PALLD: variants seen among roughly 807,000 people sequenced by gnomAD.
The protein encoded by PALLD is palladin.
In PALLD, 61 loss-of-function variants were observed where a neutral mutation model predicts 123.5. The ratio of observed to expected loss-of-function variants is 0.49; its 90% CI spans 0.40 to 0.61. The LOEUF (loss-of-function observed/expected upper bound fraction) is 0.61. Among genes scored for constraint, PALLD ranks in the 20% least tolerant of loss-of-function variants. The pLI, the probability that PALLD is intolerant of heterozygous loss-of-function variation, is 0.00. For synonymous variants in PALLD, 465 were observed against 496.4 expected (o/e 0.94, Z 0.84); for missense variants, 1,273 against 1,377.0 (o/e 0.92, Z 1.20).
intron 10 of PALLD, among the ~76,000 whole-genome samples, chr4:168,804,185 G>A: frequency 6.6e-6 from 1 of 152,214 alleles, no homozygotes; most frequent in East Asian, 1.9e-4. Context: ...AAAGAAAGAG[G>A]TATGTTCCTT....
At chr4:168,543,159 G>A (rs1368171134) in intron 2 of PALLD, among the ~76,000 whole-genome samples, 2 of 152,042 alleles carry the variant, frequency 1.3e-5, no homozygotes, top group Non-Finnish European at 2.9e-5. Flanking sequence ...TCATTTGCAA[G>A]CTGTGTGACA....
chr4:168,893,000 C>T (rs1754388099), intron 11 of PALLD, among the ~76,000 whole-genome samples: 1 of 152,072 alleles, frequency 6.6e-6, no homozygotes, highest in Non-Finnish European at 1.5e-5. Flanking sequence ...TCTTTCTTAT[C>T]TTTGGTGTCT....
At chr4:168,878,684 G>T (rs910128725) in intron 10 of PALLD, among the ~76,000 whole-genome samples, 20 of 134,426 alleles carry the variant, frequency 1.5e-4, no homozygotes, top group Middle Eastern at 3.8e-3. Context: ...AATCATTATG[G>T]GGGGGGGGGT....
At chr4:168,879,252 G>A (rs1024486081) in intron 10 of PALLD, among the ~76,000 whole-genome samples, 4 of 152,052 alleles carry the variant, frequency 2.6e-5, no homozygotes, top group Admixed American at 6.5e-5. Context: ...AATCTTTGAG[G>A]ATAAATAACA....
chr4:168,852,674 T>C (rs1176514936), intron 10 of PALLD, among the ~76,000 whole-genome samples: 2 of 152,250 alleles, frequency 1.3e-5, no homozygotes. Context: ...AAGTTAGTAG[T>C]GCCTACAAGA....
rs554390287 is a variant in PALLD at position 168,719,324 on chromosome 4, C to G, written c.1964+7401C>G. On this transcript the variant is annotated intron_variant, in intron 10 of 21. Coordinates refer to ENST00000505667, the MANE Select transcript of PALLD (RefSeq NM_001166108.2). ...CCAGGCTGGAGTGCAATGACACAATCTCGGCTCACTGCAACCTCCGCCTCC... is the reference window on the plus strand; with the variant it reads ...CCAGGCTGGAGTGCAATGACACAATGTCGGCTCACTGCAACCTCCGCCTCC... Among the ~76,000 whole-genome samples, 3 of 127,034 alleles carry G rather than the reference C, an allele frequency of 2.4e-5. No homozygotes were observed. The South Asian group carries it at 8.4e-4, about 36-fold the overall frequency. The allele number at this position is 127,034 out of a possible 152,430, so 83.3% of individuals were successfully genotyped here.
At chr4:168,727,485 A>C (rs959014639) in intron 10 of PALLD, among the ~76,000 whole-genome samples, 1 of 151,946 alleles carries the variant, frequency 6.6e-6, no homozygotes, top group Non-Finnish European at 1.5e-5. Context: ...GCATTTTTTC[A>C]TATGTTTGTT....
chr4:168,873,386 A>G (rs183148903), intron 10 of PALLD, among the ~76,000 whole-genome samples: 68 of 152,328 alleles, frequency 4.5e-4, no homozygotes, highest in Non-Finnish European at 1.2e-4. Flanking sequence ...AAGCATATAA[A>G]CCAACAGCAT....
intron 2 of PALLD, among the ~76,000 whole-genome samples, chr4:168,581,222 G>T (rs762809408): frequency 7.9e-5 from 12 of 151,964 alleles, no homozygotes; most frequent in Non-Finnish European, 1.5e-4. Context: ...TGGGAGTGCA[G>T]ATGTCTCTTC....
At position 168,512,287 on chromosome 4, in the gene PALLD, C is replaced by T. The variant is rs1198757597; in HGVS notation, c.783C>T (p.Pro261=). 3.1e-6 allele frequency: 5 copies of T among 1,614,150 alleles called. No homozygotes were observed. Among genetic ancestry groups the T allele is most frequent in the African/African-American group, 1.3e-5 (1 of 75,016 alleles). ...VPHNRKSHPQ[P]HSALHFPAAP... ...ACAACCGCAAGTCTCACCCACAGCC[C>T]CACAGCGCCCTCCACTTCCCAGCTG... is the stretch of plus-strand genomic sequence containing the variant. The change falls in exon 2 of 22, where the codon CCC becomes CCT. Residue 261 remains proline (P), a synonymous_variant. Coordinates refer to ENST00000505667, the MANE Select transcript of PALLD (RefSeq NM_001166108.2).
intron 2 of PALLD, among the ~76,000 whole-genome samples, chr4:168,571,043 C>T (rs1768927571): frequency 6.6e-6 from 1 of 152,106 alleles, no homozygotes; most frequent in Non-Finnish European, 1.5e-5. Context: ...CTTTGGCTCT[C>T]TTCTTTGAAA....
At chr4:168,521,399 G>A (rs1763550467) in intron 2 of PALLD, among the ~76,000 whole-genome samples, 1 of 151,934 alleles carries the variant, frequency 6.6e-6, no homozygotes, top group Non-Finnish European at 1.5e-5. Context: ...TTGGTAAAAT[G>A]GAAATAATAG....
rs7664329 is a variant in PALLD at position 168,826,834 on chromosome 4, T to C, written c.1965-64088T>C. ...AAATGAGAAAACAAAACCTTTGTGA[T>C]TTCAAGGTCATGGAAACAGTGGAAC... On this transcript the variant is annotated intron_variant, in intron 10 of 21. Coordinates refer to ENST00000505667, the MANE Select transcript of PALLD (RefSeq NM_001166108.2). 2.3e-3 allele frequency among the ~76,000 whole-genome samples: 345 copies of C among 152,254 alleles called. 1 individual carries two copies. Among genetic ancestry groups the C allele is most frequent in the African/African-American group, 8.0e-3 (332 of 41,542 alleles).
chr4:168,677,398 A>T (rs984560557), intron 3 of PALLD, among the ~76,000 whole-genome samples: 1 of 152,128 alleles, frequency 6.6e-6, no homozygotes, highest in African/African-American at 2.4e-5. Flanking sequence ...AAGCTAGCAA[A>T]TGTGTGTTTA....
intron 14 of PALLD, among the ~76,000 whole-genome samples, chr4:168,899,083 C>T (rs1258592150): frequency 6.6e-6 from 1 of 152,160 alleles, no homozygotes; most frequent in Admixed American, 6.5e-5. Flanking sequence ...ACCCAGTGCT[C>T]TGTACCATAC....
chr4:168,627,527 GATAA>G (rs1775418283), intron 2 of PALLD, among the ~76,000 whole-genome samples: 1 of 152,002 alleles, frequency 6.6e-6, no homozygotes, highest in Non-Finnish European at 1.5e-5. Flanking sequence ...TAGATAGATA[GATAA>G]ATAGATAGAT....
At chr4:168,518,171 A>G (rs1284214709) in intron 2 of PALLD, among the ~76,000 whole-genome samples, 1 of 152,056 alleles carries the variant, frequency 6.6e-6, no homozygotes. Flanking sequence ...AGTCCAATTC[A>G]TCCAGCAAAT....
intron 1 of PALLD, among the ~76,000 whole-genome samples, chr4:168,509,131 A>G (rs2149419514): frequency 6.6e-6 from 1 of 152,300 alleles, no homozygotes; most frequent in Non-Finnish European, 1.5e-5. Flanking sequence ...TGTAAGTTGG[A>G]AAAATCTAAA....
intron 10 of PALLD, among the ~76,000 whole-genome samples, chr4:168,838,181 C>G (rs1341909461): frequency 6.6e-6 from 1 of 152,162 alleles, no homozygotes; most frequent in Non-Finnish European, 1.5e-5. Context: ...CCAAGAATGA[C>G]TGGTGAAGGG....
Sources: gnomAD v4.1 joint callset for allele counts (sites outside exome capture counted in the v4.1 genomes callset) on GRCh38, gnomAD v4.1.1 for gene constraint, MANE v1.5 for transcripts, NCBI Gene and HGNC (gene_info 2026-07-23, HGNC 2026-07-21) for gene names.